PDE10A: variants seen among roughly 807,000 people sequenced by gnomAD.
PDE10A encodes the protein phosphodiesterase 10A, also known as cAMP and cAMP-inhibited cGMP 3',5'-cyclic phosphodiesterase 10A.
PDE10A carries 39 observed loss-of-function variants against 97.7 expected under a neutral mutation model. The observed-to-expected ratio is 0.40, with a 90% confidence interval of 0.31 to 0.52. The LOEUF is 0.52. Among genes scored for constraint, PDE10A ranks in the 20% least tolerant of loss-of-function variants. The probability of loss-of-function intolerance (pLI) is 0.56; values close to 1 mark genes in which losing one functional copy is unlikely to be tolerated. For missense variants in PDE10A, 731 were observed against 1,047.8 expected (o/e 0.70, Z 4.17); for synonymous variants, 371 against 376.8 (o/e 0.98, Z 0.18).
At chr6:165,482,472 G>A in intron 2 of PDE10A, 129 bp from the exon 3 acceptor site, 1 of 723,654 alleles carries the variant, frequency 1.4e-6, no homozygotes, top group African/African-American at 1.8e-5. Context: ...CGAAATCTAT[G>A]AATTTGATTT....
chr6:165,855,488 C>T (rs1304484434), intron 1 of PDE10A, among the ~76,000 whole-genome samples: 1 of 151,310 alleles, frequency 6.6e-6, no homozygotes, highest in African/African-American at 2.4e-5. Flanking sequence ...AGTCATTGGC[C>T]GCCTCTTCTG....
intron 3 of PDE10A, among the ~76,000 whole-genome samples, chr6:165,467,704 C>T (rs1459961387): frequency 6.6e-6 from 1 of 152,116 alleles, no homozygotes; most frequent in Non-Finnish European, 1.5e-5. Context: ...CTTTCTATGC[C>T]TAGTGAAGAT....
chr6:165,915,943 T>C (rs1782592868), intron 1 of PDE10A, among the ~76,000 whole-genome samples: 1 of 152,234 alleles, frequency 6.6e-6, no homozygotes, highest in Non-Finnish European at 1.5e-5. Context: ...GTCTAAAGTG[T>C]TGTGAATCCA....
At chr6:165,461,370 T>C (rs953670674) in intron 3 of PDE10A, among the ~76,000 whole-genome samples, 8 of 152,136 alleles carry the variant, frequency 5.3e-5, no homozygotes, top group African/African-American at 1.9e-4. Flanking sequence ...CTGCTAAGCG[T>C]TTTCATTGTT....
At chr6:165,411,369 T>C (rs1417431498) in intron 13 of PDE10A, among the ~76,000 whole-genome samples, 1 of 152,114 alleles carries the variant, frequency 6.6e-6, no homozygotes, top group Non-Finnish European at 1.5e-5. Context: ...ATTTAAAGCG[T>C]GGGTCCTAAT....
chr6:165,823,815 G>A (rs368111867), intron 1 of PDE10A, among the ~76,000 whole-genome samples: 2 of 152,020 alleles, frequency 1.3e-5, no homozygotes, highest in South Asian at 2.1e-4. Flanking sequence ...GAGTTTTCCA[G>A]CTCCATAATC....
At chr6:165,973,794 G>A (rs978015186) in intron 1 of PDE10A, among the ~76,000 whole-genome samples, 8 of 152,338 alleles carry the variant, frequency 5.3e-5, no homozygotes, top group African/African-American at 1.9e-4. Context: ...TATGAATACA[G>A]TAACATAGCT....
chr6:165,877,451 A>T (rs1191527171), intron 1 of PDE10A, among the ~76,000 whole-genome samples: 1 of 152,188 alleles, frequency 6.6e-6, no homozygotes, highest in Non-Finnish European at 1.5e-5. Context: ...CCACAGGTCT[A>T]TAGGTCAGCC....
chr6:165,406,668 G>A (rs1489334689), intron 13 of PDE10A, among the ~76,000 whole-genome samples: 1 of 152,144 alleles, frequency 6.6e-6, no homozygotes, highest in Non-Finnish European at 1.5e-5. Context: ...ATAGCAGGTA[G>A]AGCATGATTT....
chr6:165,431,472 C>T lies in PDE10A; in HGVS notation c.1492G>A (p.Val498Ile), dbSNP rs757087274. The change falls in exon 8 of 22, where the codon GTT becomes ATT. Residue 498 changes from valine (V) to isoleucine (I), a missense_variant and splice_region_variant. Val to Ile is a conservative substitution (Grantham distance 29, BLOSUM62 3). This residue lies in a region of PDE10A where 152 missense variants were observed against 199.3 expected (regional missense o/e 0.76). Transcript: ENST00000539869. The part of the protein sequence containing the change: ...KEAFCLSHQE[V>I]ATANLAWASV... ...GCCCAGGCAAGATTTGCTGTTGCAA[C>T]CTAAAAAAAACAAGAAATACATACC... is the stretch of plus-strand genomic sequence containing the variant. 3.8e-6 allele frequency: 6 copies of T among 1,585,750 alleles called. No individual in the cohort carries two copies. Among genetic ancestry groups the T allele is most frequent in the Non-Finnish European group, 5.2e-6 (6 of 1,162,046 alleles).
chr6:165,859,293 A>T (rs1213154156), intron 1 of PDE10A, among the ~76,000 whole-genome samples: 2 of 152,310 alleles, frequency 1.3e-5, no homozygotes, highest in East Asian at 3.9e-4. Flanking sequence ...GGCTTTTTTC[A>T]AAGAAAAGTT....
At chr6:165,896,986 G>C (rs918739200) in intron 1 of PDE10A, among the ~76,000 whole-genome samples, 1 of 152,100 alleles carries the variant, frequency 6.6e-6, no homozygotes, top group Admixed American at 6.6e-5. Flanking sequence ...AATATTTTAA[G>C]TGCCTGGAAA....
intron 1 of PDE10A, among the ~76,000 whole-genome samples, chr6:165,967,351 G>GTATTTGTGGTGCATGCCTGTAATC (rs1310184192): frequency 6.6e-6 from 1 of 152,124 alleles, no homozygotes; most frequent in Non-Finnish European, 1.5e-5. Context: ...ACAAACATTA[G>GTATTTGTGGTGCATGCCTGTAATC]CCGGCTGTGG....
rs535391968 is a variant in PDE10A at position 165,765,269 on chromosome 6, C to T, written c.-614-221701G>A. Among the ~76,000 whole-genome samples, 33 of 152,406 alleles carry T rather than the reference C, an allele frequency of 2.2e-4. No homozygotes were observed. In the South Asian group the frequency reaches 6.4e-3, roughly 30 times the overall value. Reference sequence around the variant, plus strand: ...GCTGCAGGTGGAGCTGCCCGCCAGTCCCACGCCATGCGCTCTCACTCCTCA... The same window carrying T: ...GCTGCAGGTGGAGCTGCCCGCCAGTTCCACGCCATGCGCTCTCACTCCTCA... On this transcript the variant is annotated intron_variant, in intron 1 of 19. Coordinates refer to the PDE10A transcript ENST00000366882.
chr6:165,802,308 T>A (rs918239271), intron 1 of PDE10A, among the ~76,000 whole-genome samples: 1 of 152,216 alleles, frequency 6.6e-6, no homozygotes, highest in African/African-American at 2.4e-5. Context: ...GCTTCATCCA[T>A]CAGACCTGAT....
intron 1 of PDE10A, among the ~76,000 whole-genome samples, chr6:165,566,897 G>A (rs761923014): frequency 6.6e-6 from 1 of 152,104 alleles, no homozygotes; most frequent in South Asian, 2.1e-4. Context: ...TGTTTGGCAG[G>A]AATCTACCGA....
chr6:165,921,104 A>G (rs77343257), intron 1 of PDE10A, among the ~76,000 whole-genome samples: 8,173 of 152,264 alleles, frequency 0.054, 264 homozygotes, highest in Middle Eastern at 0.088. Flanking sequence ...TGACTTTCAG[A>G]TCTATGTACC....
intron 1 of PDE10A, among the ~76,000 whole-genome samples, chr6:165,726,443 A>C (rs1792295839): frequency 6.6e-6 from 1 of 152,250 alleles, no homozygotes; most frequent in South Asian, 2.1e-4. Context: ...TGGTTTTACA[A>C]GCAAGCAAAA....
At chr6:165,984,383 T>C (rs1785117368) in intron 1 of PDE10A, among the ~76,000 whole-genome samples, 1 of 152,160 alleles carries the variant, frequency 6.6e-6, no homozygotes. Flanking sequence ...AGATGAAAAA[T>C]GTTTGCTGAA....
Sources: gnomAD v4.1 joint callset for allele counts (sites outside exome capture counted in the v4.1 genomes callset) on GRCh38, gnomAD v4.1.1 for gene constraint, gnomAD v4.1.1 regional missense constraint, MANE v1.5 for transcripts, NCBI Gene and HGNC (gene_info 2026-07-23, HGNC 2026-07-21) for gene names.